The following SLC36A1 variants were observed in gnomAD, a reference collection of about 807,000 sequenced individuals.
SLC36A1 encodes the protein proton-coupled amino acid transporter 1.
A neutral mutation model predicts 47.5 loss-of-function variants in SLC36A1; 30 were observed. That is an observed-to-expected ratio of 0.63 (90% CI 0.47 to 0.86). The LOEUF (loss-of-function observed/expected upper bound fraction) is 0.86, where lower values mean the gene tolerates loss of function less well. Among genes scored for constraint, SLC36A1 ranks in the 40% least tolerant of loss-of-function variants. The probability of loss-of-function intolerance (pLI) is 0.00; values close to 1 mark genes in which losing one functional copy is unlikely to be tolerated. For synonymous variants in SLC36A1, 255 were observed against 249.7 expected (o/e 1.02, Z -0.20); for missense variants, 517 against 606.0 (o/e 0.85, Z 1.54).
chr5:151,550,945 C>T, the SLC36A1 span: 3 of 1,400,326 alleles, frequency 2.1e-6, no homozygotes, highest in East Asian at 2.3e-5. Context: ...CTGGACCTCC[C>T]TGTATCACCC....
the SLC36A1 span, among the ~76,000 whole-genome samples, chr5:151,383,729 C>T: frequency 3.9e-5 from 6 of 152,118 alleles, no homozygotes; most frequent in South Asian, 2.1e-4. Context: ...CCTGGCATCA[C>T]GCCTGGCTAA....
At chr5:151,499,129 TATCA>T in the SLC36A1 span, among the ~76,000 whole-genome samples, 2 of 152,250 alleles carry the variant, frequency 1.3e-5, no homozygotes, top group Admixed American at 6.5e-5. Context: ...GTCAGCTTTG[TATCA>T]ATCTAACCAG....
the SLC36A1 span, among the ~76,000 whole-genome samples, chr5:151,515,362 G>A: frequency 6.6e-6 from 1 of 152,132 alleles, no homozygotes; most frequent in African/African-American, 2.4e-5. Flanking sequence ...AATCTACATT[G>A]CTTGGTGATC....
At chr5:151,409,382 C>A in the SLC36A1 span, among the ~76,000 whole-genome samples, 6 of 152,136 alleles carry the variant, frequency 3.9e-5, no homozygotes, top group Admixed American at 3.9e-4. Context: ...GAGTTTGCAT[C>A]AAGCCTCCTT....
chr5:151,421,580 CTTT>C, the SLC36A1 span, among the ~76,000 whole-genome samples: 1 of 134,936 alleles, frequency 7.4e-6, no homozygotes, highest in Non-Finnish European at 1.6e-5. Context: ...TTCTTTCTTT[CTTT>C]TTTTTTTTTT....
chr5:151,536,662 A>G, the SLC36A1 span, among the ~76,000 whole-genome samples: 2 of 152,228 alleles, frequency 1.3e-5, no homozygotes, highest in Non-Finnish European at 2.9e-5. Context: ...TCTCTTGGCT[A>G]GTAACAATGA....
the SLC36A1 span, chr5:151,527,088 C>T: frequency 1.3e-6 from 1 of 778,314 alleles, no homozygotes; most frequent in Non-Finnish European, 2.1e-6. Flanking sequence ...CTATAATGCC[C>T]TCCAGCAGTC....
the SLC36A1 span, among the ~76,000 whole-genome samples, chr5:151,375,424 T>C: frequency 2.0e-5 from 3 of 152,240 alleles, no homozygotes; most frequent in Non-Finnish European, 4.4e-5. Flanking sequence ...TCTTTGTGTT[T>C]ATTTCTATAC....
the SLC36A1 span, among the ~76,000 whole-genome samples, chr5:151,355,678 G>A: frequency 2.0e-5 from 3 of 152,110 alleles, no homozygotes; most frequent in East Asian, 3.8e-4. Context: ...ATATACTGAC[G>A]TGGAGGGAGA....
At chr5:151,389,923 C>T in the SLC36A1 span, among the ~76,000 whole-genome samples, 2 of 151,988 alleles carry the variant, frequency 1.3e-5, no homozygotes, top group African/African-American at 2.4e-5. Context: ...GGTATTATAC[C>T]CAGTAATGGG....
At chr5:151,528,059 C>A in the SLC36A1 span, 1 of 1,614,200 alleles carries the variant, frequency 6.2e-7, no homozygotes, top group East Asian at 2.2e-5. Flanking sequence ...TGGTGAAGTG[C>A]CCAAGCTGGT....
chr5:151,474,178 A>AAAAAAGAG lies in SLC36A1; in HGVS notation c.822+408_822+409insAAAAGAGA, dbSNP rs776318482. ...CTGTCTCAAAAAAAAAAAAAAAAAA[A>AAAAAAGAG]AGAAATTATCTTCTGTAACTCACTG... is the stretch of plus-strand genomic sequence containing the variant. On this transcript the variant is annotated intron_variant, in intron 8 of 10. Transcript: ENST00000243389. 3.1e-3 allele frequency among the ~76,000 whole-genome samples: 365 copies of AAAAAAGAG among 118,274 alleles called. 1 individual carries two copies. The highest frequency in any genetic ancestry group is 4.3e-3 in the Non-Finnish European group (265 of 61,834). The allele number at this position is 118,274 out of a possible 152,430, so 77.6% of individuals were successfully genotyped here.
At chr5:151,351,026 GT>G in the SLC36A1 span, among the ~76,000 whole-genome samples, 3 of 152,186 alleles carry the variant, frequency 2.0e-5, no homozygotes, top group African/African-American at 7.2e-5. Flanking sequence ...GTGCTTTGGT[GT>G]TTCTCAACTG....
the SLC36A1 span, among the ~76,000 whole-genome samples, chr5:151,360,325 A>G: frequency 6.6e-5 from 10 of 152,232 alleles, no homozygotes; most frequent in Non-Finnish European, 1.5e-4. Flanking sequence ...TGTTATATGT[A>G]TTATATATGC....
the SLC36A1 span, chr5:151,553,153 G>C: frequency 1.2e-6 from 2 of 1,610,226 alleles, no homozygotes; most frequent in South Asian, 1.1e-5. Context: ...GTTGGCCCTT[G>C]TTGGGCCCTA....
chr5:151,530,740 C>CTGA, the SLC36A1 span, among the ~76,000 whole-genome samples: 1 of 152,160 alleles, frequency 6.6e-6, no homozygotes, highest in African/African-American at 2.4e-5. Flanking sequence ...GAGATACACA[C>CTGA]TGATGTCCTT....
At chr5:151,540,893 G>C in the SLC36A1 span, 5 of 766,392 alleles carry the variant, frequency 6.5e-6, no homozygotes, top group Admixed American at 6.1e-5. Context: ...TCCTTAACTA[G>C]GAACCCACGA....
chr5:151,525,928 A>G, the SLC36A1 span: 6 of 1,614,196 alleles, frequency 3.7e-6, no homozygotes, highest in South Asian at 6.6e-5. Context: ...GTCACTCAGG[A>G]TCAGCTGCAG....
chr5:151,525,800 T>G, the SLC36A1 span: 5 of 1,614,140 alleles, frequency 3.1e-6, no homozygotes, highest in Non-Finnish European at 4.2e-6. Flanking sequence ...TCCTGAGCCC[T>G]CCTGCTTAGG....
Sources: allele counts gnomAD v4.1 joint callset (sites outside exome capture counted in the v4.1 genomes callset), GRCh38; gene constraint gnomAD v4.1.1; transcripts MANE v1.5; gene names NCBI Gene and HGNC (gene_info 2026-07-23, HGNC 2026-07-21).